Variants in CELF2 observed in about 807,000 individuals in gnomAD.
The protein encoded by CELF2 is CUG triplet repeat RNA-binding protein 2.
In CELF2, 8 loss-of-function variants were observed where a neutral mutation model predicts 62.6. The observed-to-expected ratio is 0.13, with a 90% CI of 0.07 to 0.23. The LOEUF (loss-of-function observed/expected upper bound fraction) is 0.23. Among genes scored for constraint, CELF2 ranks in the 10% least tolerant of loss-of-function variants. The pLI is 1.00. For synonymous variants in CELF2, 258 were observed against 250.0 expected (o/e 1.03, Z -0.30); for missense variants, 333 against 671.0 (o/e 0.50, Z 5.56).
chr10:10,598,018 A>T, the CELF2 span, among the ~76,000 whole-genome samples: 2 of 152,204 alleles, frequency 1.3e-5, no homozygotes, highest in Non-Finnish European at 2.9e-5. Flanking sequence ...TCATTTGTCA[A>T]TTCAGTGTTT....
Position 11,237,832 on chromosome 10 carries a change from C to G in CELF2, c.355-11321C>G, listed in dbSNP as rs1413445902. 6.6e-6 allele frequency among the ~76,000 whole-genome samples: 1 copy of G among 152,206 alleles called. No individual in the cohort carries two copies. Among genetic ancestry groups the G allele is most frequent in the Non-Finnish European group, 1.5e-5 (1 of 68,038 alleles). Reference sequence around the variant, plus strand: ...TCACAAGGATGATTTGTTGTTAAACCACAACTCGTTTCTCTTAAAATATGA... The same window carrying G: ...TCACAAGGATGATTTGTTGTTAAACGACAACTCGTTTCTCTTAAAATATGA... On this transcript the variant is annotated intron_variant, in intron 3 of 12. Coordinates refer to ENST00000633077, the MANE Select transcript of CELF2 (RefSeq NM_001326342.2). This position sits in a 1 kb window ranked among gnomAD's most constrained non-coding sequence, Gnocchi z 4.0.
At chr10:10,907,637 G>GTTTTA (rs146857310) in intron 1 of CELF2, among the ~76,000 whole-genome samples, 1 of 150,754 alleles carries the variant, frequency 6.6e-6, no homozygotes, top group Non-Finnish European at 1.5e-5. Flanking sequence ...ATTTCTGTTG[G>GTTTTA]TTTTATTTTA....
chr10:10,838,049 C>T (rs1034743775), intron 1 of CELF2, among the ~76,000 whole-genome samples: 4 of 152,208 alleles, frequency 2.6e-5, no homozygotes, highest in Non-Finnish European at 4.4e-5. Context: ...CCGATTCCAT[C>T]CAGGATGTCA....
intron 8 of CELF2, among the ~76,000 whole-genome samples, chr10:11,282,272 G>A (rs2089199972): frequency 6.6e-6 from 1 of 152,170 alleles, no homozygotes; most frequent in Admixed American, 6.5e-5. Context: ...GCTCCAGATG[G>A]GGACCGAGAG....
At position 11,196,997 on chromosome 10, in the gene CELF2, G is replaced by GGAGAAAGAAAGAAA. The variant is rs1565228587; in HGVS notation, c.272-20426_272-20425insGAAAGAAAGAAAGA. ...AGAAAGAGAGAAAGAAAGAAAGGAA[G>GGAGAAAGAAAGAAA]GAAGGAGAAAGAAAGAAAGAAAGAA... On this transcript the variant is annotated intron_variant, in intron 2 of 12. Coordinates refer to ENST00000633077, the MANE Select transcript of CELF2 (RefSeq NM_001326342.2). Among the ~76,000 whole-genome samples, 5 of 55,942 alleles carry GGAGAAAGAAAGAAA rather than the reference G, an allele frequency of 8.9e-5. 1 individual carries two copies. Among genetic ancestry groups the GGAGAAAGAAAGAAA allele is most frequent in the Admixed American group, 8.0e-4 (3 of 3,734 alleles). 36.7% of individuals were successfully genotyped at this position (55,942 alleles called of 152,430 possible). A position where few individuals can be genotyped will look rare whatever the true frequency, so the allele number is the denominator to read the frequency against.
In CELF2 at chr10:11,149,714, A is replaced by G. The variant is rs545932828; in HGVS notation, c.75-15772A>G. ...GGTAGAACGTTTCCAAGCTGTCCAC[A>G]GAGATCACGATTCTTTGGGTTGCTA... On this transcript the variant is annotated intron_variant, in intron 1 of 12. Transcript: ENST00000633077. 6.6e-5 allele frequency among the ~76,000 whole-genome samples: 10 copies of G among 152,298 alleles called. No homozygotes were observed. In the East Asian group the frequency reaches 1.7e-3, roughly 26 times the overall value.
the CELF2 span, among the ~76,000 whole-genome samples, chr10:10,729,561 C>T: frequency 4.6e-5 from 7 of 152,116 alleles, no homozygotes; most frequent in African/African-American, 1.4e-4. Flanking sequence ...AGACAAAGAT[C>T]GCACCACTAC....
At chr10:10,604,276 T>C in the CELF2 span, among the ~76,000 whole-genome samples, 1 of 152,206 alleles carries the variant, frequency 6.6e-6, no homozygotes, top group African/African-American at 2.4e-5. Flanking sequence ...TAAGATACGA[T>C]AGATTTCGCA....
At chr10:10,598,751 C>CTTTTTTT in the CELF2 span, among the ~76,000 whole-genome samples, 124 of 69,588 alleles carry the variant, frequency 1.8e-3, 7 homozygotes, top group Non-Finnish European at 2.4e-3. Context: ...CTTTTTCTTT[C>CTTTTTTT]TTTTTTTTTT....
intron 2 of CELF2, among the ~76,000 whole-genome samples, chr10:11,176,595 T>C (rs1005814445): frequency 1.3e-5 from 2 of 152,200 alleles, no homozygotes; most frequent in African/African-American, 4.8e-5. Context: ...TTATAAAATG[T>C]TGAATGTAAG....
chr10:10,520,698 C>T, the CELF2 span, among the ~76,000 whole-genome samples: 4 of 151,980 alleles, frequency 2.6e-5, no homozygotes, highest in East Asian at 5.8e-4. Flanking sequence ...GGCAGCCAGA[C>T]GATATTTCAC....
chr10:10,576,402 T>G, the CELF2 span, among the ~76,000 whole-genome samples: 1 of 152,176 alleles, frequency 6.6e-6, no homozygotes, highest in Non-Finnish European at 1.5e-5. Context: ...TGACATTTGA[T>G]GAGCTCATGA....
At chr10:10,617,951 G>A in the CELF2 span, among the ~76,000 whole-genome samples, 2 of 151,910 alleles carry the variant, frequency 1.3e-5, no homozygotes, top group Non-Finnish European at 2.9e-5. Context: ...AAAATCCCCC[G>A]GCCGTAACTC....
At chr10:10,777,441 T>C in the CELF2 span, among the ~76,000 whole-genome samples, 3 of 152,208 alleles carry the variant, frequency 2.0e-5, no homozygotes, top group African/African-American at 7.2e-5. Flanking sequence ...CGAGCTGGCA[T>C]CCTAGCTATC....
intron 1 of CELF2, among the ~76,000 whole-genome samples, chr10:10,838,040 C>T (rs1024771249): frequency 3.4e-4 from 52 of 152,282 alleles, no homozygotes; most frequent in African/African-American, 1.1e-3. Flanking sequence ...TTTCTGTTCC[C>T]GATTCCATCC....
At chr10:10,707,521 T>C in the CELF2 span, among the ~76,000 whole-genome samples, 9 of 152,050 alleles carry the variant, frequency 5.9e-5, no homozygotes, top group Non-Finnish European at 8.8e-5. Flanking sequence ...ACTAGAAAAA[T>C]TGAATGAAGT....
the CELF2 span, among the ~76,000 whole-genome samples, chr10:10,677,313 G>A: frequency 5.9e-5 from 9 of 152,286 alleles, no homozygotes; most frequent in South Asian, 6.2e-4. Flanking sequence ...AGAATTTATG[G>A]CTGCTAAAAG....
intron 1 of CELF2, among the ~76,000 whole-genome samples, chr10:11,056,929 C>T (rs148010631): frequency 1.3e-5 from 2 of 152,312 alleles, no homozygotes; most frequent in South Asian, 2.1e-4. Context: ...GAAAATCCCA[C>T]GCCATGTTCA....
At chr10:10,761,038 A>G in the CELF2 span, among the ~76,000 whole-genome samples, 2 of 152,164 alleles carry the variant, frequency 1.3e-5, no homozygotes, top group Non-Finnish European at 2.9e-5. Context: ...TAGATATGGT[A>G]TTGTCCCATA....
Sources: allele counts gnomAD v4.1 joint callset (sites outside exome capture counted in the v4.1 genomes callset), GRCh38; gene constraint gnomAD v4.1.1; non-coding constraint Gnocchi (gnomAD v3.1); transcripts MANE v1.5; gene names NCBI Gene and HGNC (gene_info 2026-07-23, HGNC 2026-07-21).